Variants in ELP2 observed in about 807,000 individuals in gnomAD.
The protein encoded by ELP2 is elongator complex protein 2.
Under a neutral mutation model 119.2 loss-of-function variants are expected in ELP2, and 90 were observed. The observed-to-expected ratio is 0.75, with a 90% CI of 0.64 to 0.90. The LOEUF (loss-of-function observed/expected upper bound fraction) is 0.90, where lower values mean the gene tolerates loss of function less well. Among genes scored for constraint, ELP2 ranks in the 40% least tolerant of loss-of-function variants. The pLI, the probability that ELP2 is intolerant of heterozygous loss-of-function variation, is 0.00. For missense variants in ELP2, 921 were observed against 967.8 expected (o/e 0.95, Z 0.64); for synonymous variants, 339 against 331.0 (o/e 1.02, Z -0.26).
chr18:36,136,659 ATGT>A (rs1381487098), intron 3 of ELP2: 3 of 358,100 alleles, frequency 8.4e-6, no homozygotes, highest in African/African-American at 6.3e-5. Flanking sequence ...TTCTTCAACT[ATGT>A]TGTTCTTTTA....
Position 36,145,010 on chromosome 18 carries a change from C to T in ELP2, c.868C>T (p.His290Tyr). Residue 290 changes from histidine to tyrosine, a missense_variant, in exon 9 of 22, where the codon CAC becomes TAC. Physicochemically the swap from His to Tyr is moderately conservative, Grantham distance 83. Coordinates refer to ENST00000358232, the MANE Select transcript of ELP2 (RefSeq NM_018255.4). ...AGHENWVNAV[H>Y]WQPVFYKDGV... ...TCATGAAAACTGGGTAAATGCAGTT[C>T]ACTGGCAACCTGTGTTTTACAAAGG... is the stretch of plus-strand genomic sequence containing the variant. The T allele has an allele frequency of 6.2e-7, 1 of 1,613,836 alleles. No homozygotes were observed. The highest frequency in any genetic ancestry group is 8.5e-7 in the Non-Finnish European group (1 of 1,179,754).
rs145164238 is a variant in ELP2, at chr18:36,167,901, T to C, written c.2076+679T>C. Among the ~76,000 whole-genome samples the C allele has an allele frequency of 2.8e-3, 431 of 152,200 alleles. 4 individuals are homozygous for C. Among genetic ancestry groups the C allele is most frequent in the African/African-American group, 1.0e-2 (414 of 41,530 alleles). ...CCATGTTGCCAGGCTGGTCCCAAAC[T>C]CCTGGGCGCAAGCAGTCCTCCCACT... On this transcript the variant is annotated intron_variant, in intron 19 of 21. Coordinates refer to ENST00000358232, the MANE Select transcript of ELP2 (RefSeq NM_018255.4).
At chr18:36,158,599 G>A in intron 13 of ELP2, 1 of 437,784 alleles carries the variant, frequency 2.3e-6, no homozygotes, top group Non-Finnish European at 4.2e-6. Context: ...TGGATTGCAT[G>A]GGAGTTGGAG....
intron 21 of ELP2, among the ~76,000 whole-genome samples, 195 bp from the exon 22 acceptor site, chr18:36,174,290 G>A (rs1369431695): frequency 6.6e-6 from 1 of 152,032 alleles, no homozygotes; most frequent in East Asian, 1.9e-4. Flanking sequence ...GTTATTGCCA[G>A]TGAGTAAGAT....
chr18:36,134,831 T>G lies in ELP2; in HGVS notation c.218-1476T>G, dbSNP rs115469382. ...TATTTCTTTAGTTATCTTAAATATATCTACTGTAGTTTTGATATGGGTTCT... is the reference window on the plus strand; with the variant it reads ...TATTTCTTTAGTTATCTTAAATATAGCTACTGTAGTTTTGATATGGGTTCT... On this transcript the variant is annotated intron_variant, in intron 2 of 21. Transcript: ENST00000358232. Among the ~76,000 whole-genome samples the G allele has an allele frequency of 5.4e-3, 815 of 152,332 alleles. 10 individuals carry two copies. Among genetic ancestry groups the G allele is most frequent in the African/African-American group, 0.019 (785 of 41,578 alleles).
intron 19 of ELP2, among the ~76,000 whole-genome samples, chr18:36,168,470 C>T (rs922709669): frequency 1.3e-5 from 2 of 152,140 alleles, no homozygotes; most frequent in Non-Finnish European, 2.9e-5. Context: ...CCTCAGGAAA[C>T]TCAGTCATGG....
At chr18:36,148,705 T>A (rs939557851) in intron 11 of ELP2, among the ~76,000 whole-genome samples, 2 of 152,126 alleles carry the variant, frequency 1.3e-5, no homozygotes, top group Admixed American at 6.5e-5. Flanking sequence ...CCAATAATTT[T>A]AAAAATTAGC....
intron 17 of ELP2, 141 bp from the exon 18 acceptor site, chr18:36,164,334 T>A: frequency 1.4e-6 from 1 of 708,236 alleles, no homozygotes. Flanking sequence ...ATGGTTGTAG[T>A]ATGTTATCTC....
At chr18:36,142,685 A>G (rs925452908) in intron 7 of ELP2, 141 bp from the exon 8 acceptor site, 10 of 632,564 alleles carry the variant, frequency 1.6e-5, no homozygotes, top group Non-Finnish European at 2.2e-5. Flanking sequence ...AATATAGATC[A>G]AATGAATTGG....
intron 2 of ELP2, among the ~76,000 whole-genome samples, chr18:36,134,944 G>A (rs1342355707): frequency 6.6e-6 from 1 of 152,134 alleles, no homozygotes; most frequent in African/African-American, 2.4e-5. Flanking sequence ...TTAAGACTTT[G>A]CTATGATTTT....
At chr18:36,130,364 C>T (rs1002512874) in intron 1 of ELP2, among the ~76,000 whole-genome samples, 11 of 152,224 alleles carry the variant, frequency 7.2e-5, no homozygotes, top group Admixed American at 7.2e-4. Context: ...CTGAAGCCTT[C>T]CTTGGGAACT....
chr18:36,145,778 T>C (rs1184187981), intron 9 of ELP2, among the ~76,000 whole-genome samples, 170 bp from the exon 10 acceptor site: 1 of 152,210 alleles, frequency 6.6e-6, no homozygotes, highest in East Asian at 1.9e-4. Context: ...CCACAACCCA[T>C]TTATCTCTTC....
chr18:36,131,839 C>T (rs888670757), intron 1 of ELP2, among the ~76,000 whole-genome samples: 3 of 151,770 alleles, frequency 2.0e-5, no homozygotes, highest in Non-Finnish European at 4.4e-5. Context: ...TAAATGATAA[C>T]CTGGTGGCTG....
chr18:36,164,532 G>T lies in ELP2; in HGVS notation c.1819G>T (p.Val607Leu). ...TTGGAACACTACATCTTGGAAACAG[G>T]TGCAGAATTTAGTTTTCCACAGTTT... ...ILWNTTSWKQ[V>L]QNLVFHSLTV... Residue 607 changes from valine (V) to leucine (L), a missense_variant, in exon 18 of 22, where the codon GTG becomes TTG. Coordinates refer to ENST00000358232, the MANE Select transcript of ELP2 (RefSeq NM_018255.4). 6.2e-7 allele frequency: 1 copy of T among 1,614,076 alleles called. No individual in the cohort carries two copies. The highest frequency in any genetic ancestry group is 8.5e-7 in the Non-Finnish European group (1 of 1,179,968).
At chr18:36,139,637 GTTTTTATTT>G in intron 5 of ELP2, 1 of 1,495,952 alleles carries the variant, frequency 6.7e-7, no homozygotes, top group Non-Finnish European at 8.9e-7. Flanking sequence ...TGTTTTTATT[GTTTTTATTT>G]TTCTTTTTTC....
chr18:36,160,578 G>GAGA (rs2090706023), intron 16 of ELP2, among the ~76,000 whole-genome samples: 1 of 141,920 alleles, frequency 7.0e-6, no homozygotes, highest in Non-Finnish European at 1.5e-5. Flanking sequence ...ACCTTGCCTT[G>GAGA]AAAAAAAAAA....
At chr18:36,171,742 G>C (rs1260164449) in intron 21 of ELP2, among the ~76,000 whole-genome samples, 1 of 152,050 alleles carries the variant, frequency 6.6e-6, no homozygotes, top group African/African-American at 2.4e-5. Flanking sequence ...TGTGAGACAG[G>C]GTCTCACTCT....
At chr18:36,137,892 A>C (rs2089886201) in intron 3 of ELP2, among the ~76,000 whole-genome samples, 1 of 152,098 alleles carries the variant, frequency 6.6e-6, no homozygotes, top group Non-Finnish European at 1.5e-5. Flanking sequence ...TAGCTTCACT[A>C]AAACCTGGAC....
intron 18 of ELP2, chr18:36,165,276 G>GA (rs200667879): frequency 0.2 from 27,878 of 139,412 alleles, 3,015 homozygotes; most frequent in East Asian, 0.4. Flanking sequence ...GGCATAAACT[G>GA]AAAAAAAAAA....
Sources: allele counts gnomAD v4.1 joint callset (sites outside exome capture counted in the v4.1 genomes callset), GRCh38; gene constraint gnomAD v4.1.1; transcripts MANE v1.5; gene names NCBI Gene and HGNC (gene_info 2026-07-23, HGNC 2026-07-21).